The following TBC1D5 variants were observed in gnomAD, a reference collection of about 807,000 sequenced individuals.
TBC1D5 encodes the protein TBC1 domain family, member 5.
A neutral mutation model predicts 100.3 loss-of-function variants in TBC1D5; 75 were observed. The ratio of observed to expected loss-of-function variants is 0.75; its 90% CI spans 0.62 to 0.91. The LOEUF (loss-of-function observed/expected upper bound fraction) is 0.91, where lower values mean the gene tolerates loss of function less well. Among genes scored for constraint, TBC1D5 ranks in the 40% least tolerant of loss-of-function variants. The probability of loss-of-function intolerance (pLI) is 0.00; values close to 1 mark genes in which losing one functional copy is unlikely to be tolerated. For missense variants in TBC1D5, 910 were observed against 942.4 expected (o/e 0.97, Z 0.45); for synonymous variants, 323 against 325.6 (o/e 0.99, Z 0.09).
chr3:17,603,907 A>G (rs2061167284), intron 2 of TBC1D5, among the ~76,000 whole-genome samples: 1 of 152,032 alleles, frequency 6.6e-6, no homozygotes, highest in Non-Finnish European at 1.5e-5. Context: ...ACCCTCTCAA[A>G]GTGCTGGGAT....
intron 2 of TBC1D5, chr3:17,518,972 C>A (rs1319554854): frequency 6.6e-6 from 1 of 152,338 alleles, no homozygotes; most frequent in Non-Finnish European, 1.5e-5. Context: ...CCAGTTTCCA[C>A]CTCGTTTGCT....
At chr3:17,555,038 TG>T (rs200529633) in intron 2 of TBC1D5, among the ~76,000 whole-genome samples, 2,514 of 152,026 alleles carry the variant, frequency 0.017, 52 homozygotes, top group South Asian at 0.048. Flanking sequence ...TTAGAAGAGA[TG>T]GGGGTTTCCC....
exon 6 of TBC1D5, chr3:17,404,878 T>C: frequency 2.5e-6 from 4 of 1,583,284 alleles, no homozygotes; most frequent in Non-Finnish European, 3.4e-6. Flanking sequence ...TTACTATTTC[T>C]TTAATGTTGC....
chr3:17,362,847 G>A (rs1401814649), intron 13 of TBC1D5, among the ~76,000 whole-genome samples: 2 of 152,122 alleles, frequency 1.3e-5, no homozygotes, highest in Non-Finnish European at 2.9e-5. Flanking sequence ...ATAATACAAA[G>A]AGCTCCTCAG....
chr3:17,408,268 AACACACACACAC>A (rs3041146), intron 4 of TBC1D5, among the ~76,000 whole-genome samples: 2,547 of 144,100 alleles, frequency 0.018, 47 homozygotes, highest in African/African-American at 0.044. Flanking sequence ...AAGACTATCC[AACACACACACAC>A]ACACACACAC....
chr3:17,505,313 G>A lies in TBC1D5; in HGVS notation c.97+3161C>T, dbSNP rs78798871. 3.4e-3 allele frequency among the ~76,000 whole-genome samples: 520 copies of A among 151,960 alleles called. 3 individuals carry two copies. Among genetic ancestry groups the A allele is most frequent in the African/African-American group, 0.012 (506 of 41,442 alleles). On this transcript the variant is annotated intron_variant, in intron 3 of 21. Coordinates refer to ENST00000253692, the Ensembl canonical transcript of TBC1D5. ...TGAGATCTAGTTGCTTAAGAGTCTG[G>A]GGCATCCCACCATCTCTCTTACTCC...
At chr3:17,503,823 T>C (rs1399039170) in intron 3 of TBC1D5, among the ~76,000 whole-genome samples, 1 of 149,772 alleles carries the variant, frequency 6.7e-6, no homozygotes, top group Non-Finnish European at 1.5e-5. Context: ...AGCTTTCCCT[T>C]TGCCAAGTGA....
intron 3 of TBC1D5, among the ~76,000 whole-genome samples, chr3:17,447,959 A>G (rs1415277518): frequency 6.6e-6 from 1 of 152,168 alleles, no homozygotes. Flanking sequence ...CTGCTAAATT[A>G]TCATTTTCTT....
In TBC1D5 at chr3:17,408,480, C is replaced by T. The variant is rs114684159; in HGVS notation, c.168-1954G>A. On this transcript the variant is annotated intron_variant, in intron 4 of 21. Transcript: ENST00000253692. ...GAGGGACCACAGGCACACACCATCA[C>T]ACCTGGCTACTTTTGTAACTTTTTG... Among the ~76,000 whole-genome samples, 1,505 of 152,124 alleles carry T rather than the reference C, an allele frequency of 9.9e-3. 28 individuals are homozygous for T. Among genetic ancestry groups the T allele is most frequent in the African/African-American group, 0.034 (1,411 of 41,502 alleles).
intron 2 of TBC1D5, among the ~76,000 whole-genome samples, chr3:17,586,769 G>T (rs971695083): frequency 4.6e-5 from 7 of 151,976 alleles, no homozygotes; most frequent in Non-Finnish European, 8.8e-5. Flanking sequence ...CTGGAAGAAA[G>T]GGAGGTATTT....
At chr3:17,368,328 C>CTAATTTTGTTAAGTACATCTATT (rs2092284232) in intron 13 of TBC1D5, among the ~76,000 whole-genome samples, 1 of 152,042 alleles carries the variant, frequency 6.6e-6, no homozygotes, top group Non-Finnish European at 1.5e-5. Context: ...TAGCAAAATG[C>CTAATTTTGTTAAGTACATCTATT]AGCAAGTGTA....
chr3:17,316,725 T>A (rs187655641), intron 13 of TBC1D5, among the ~76,000 whole-genome samples: 2 of 152,322 alleles, frequency 1.3e-5, no homozygotes, highest in African/African-American at 4.8e-5. Flanking sequence ...AAACAGTCTG[T>A]AAATCGGCAC....
chr3:17,599,516 G>A (rs975884753), intron 2 of TBC1D5, among the ~76,000 whole-genome samples: 19 of 151,916 alleles, frequency 1.3e-4, no homozygotes, highest in Admixed American at 5.3e-4. Flanking sequence ...TAAAATCTCC[G>A]CATCCTTCAA....
chr3:17,433,124 G>A (rs2094473395), intron 3 of TBC1D5, among the ~76,000 whole-genome samples: 1 of 152,076 alleles, frequency 6.6e-6, no homozygotes, highest in Admixed American at 6.6e-5. Flanking sequence ...AAGGGAAGAG[G>A]GTACCATGTT....
At chr3:17,403,193 T>A in exon 8 of TBC1D5, 1 of 1,588,262 alleles carries the variant, frequency 6.3e-7, no homozygotes. Context: ...TCTTTTGACA[T>A]CTTGTTCAAT....
At chr3:17,234,727 G>A (rs993620244) in intron 17 of TBC1D5, among the ~76,000 whole-genome samples, 4 of 152,062 alleles carry the variant, frequency 2.6e-5, no homozygotes, top group Admixed American at 6.6e-5. Context: ...TAATTGACTT[G>A]TTTCCCCTTG....
intron 16 of TBC1D5, among the ~76,000 whole-genome samples, chr3:17,242,653 C>T (rs573871074): frequency 6.6e-6 from 1 of 152,062 alleles, no homozygotes; most frequent in East Asian, 1.9e-4. Flanking sequence ...CTTGTTGGCT[C>T]ATTTGTTATT....
At chr3:17,310,701 C>G (rs1306563822) in intron 13 of TBC1D5, among the ~76,000 whole-genome samples, 1 of 151,880 alleles carries the variant, frequency 6.6e-6, no homozygotes, top group Non-Finnish European at 1.5e-5. Context: ...GAAAAAAATA[C>G]CAAAACCACA....
At chr3:17,635,390 A>G (rs114924390) in intron 1 of TBC1D5, among the ~76,000 whole-genome samples, 1 of 152,318 alleles carries the variant, frequency 6.6e-6, no homozygotes, top group African/African-American at 2.4e-5. Context: ...AGAACAATTA[A>G]AAGGTCAAGG....
Sources: gnomAD v4.1 joint callset for allele counts (sites outside exome capture counted in the v4.1 genomes callset) on GRCh38, gnomAD v4.1.1 for gene constraint, MANE v1.5 for transcripts, NCBI Gene and HGNC (gene_info 2026-07-23, HGNC 2026-07-21) for gene names.